Variants in OSBPL3 observed in about 807,000 individuals in gnomAD.
OSBPL3 encodes the protein oxysterol-binding protein-related protein 3.
OSBPL3 carries 65 observed loss-of-function variants against 120.1 expected under a neutral mutation model. The observed-to-expected ratio is 0.54, with a 90% CI of 0.44 to 0.67. The LOEUF is 0.67. Among genes scored for constraint, OSBPL3 ranks in the 30% least tolerant of loss-of-function variants. OSBPL3 has a pLI of 0.00. For synonymous variants in OSBPL3, 416 were observed against 402.6 expected, an observed-to-expected ratio of 1.03 and a Z score of -0.40; for missense variants, 1,004 against 1,082.1, an observed-to-expected ratio of 0.93 and a Z score of 1.01.
rs1438188171 is a variant in OSBPL3, at chr7:24,834,689, A to ACGTTCTTCT, written c.1534_1542dup (p.Arg512_Thr514dup). 1.2e-6 allele frequency: 2 copies of ACGTTCTTCT among 1,613,958 alleles called. No individual in the cohort carries two copies. Among genetic ancestry groups the ACGTTCTTCT allele is most frequent in the Non-Finnish European group, 1.7e-6 (2 of 1,179,932 alleles). ...CTGCTCGGGCAGGGCGCCGGCAGGC[A>ACGTTCTTCT]CGTTCTTCTCCGGGACTTCGCTTCC... On this transcript the variant is annotated inframe_insertion, in exon 15 of 23. Transcript: ENST00000313367. The surrounding 1 kb of genome is among the most constrained non-coding windows in gnomAD (Gnocchi z 5.2).
intron 14 of OSBPL3, among the ~76,000 whole-genome samples, chr7:24,840,409 G>A (rs1003776757): frequency 7.2e-5 from 11 of 152,100 alleles, no homozygotes; most frequent in Non-Finnish European, 1.2e-4. Flanking sequence ...TTAACGAATT[G>A]TAAATATGTT....
intron 1 of OSBPL3, among the ~76,000 whole-genome samples, chr7:24,944,902 A>G (rs1184206270): frequency 6.6e-6 from 1 of 152,196 alleles, no homozygotes; most frequent in African/African-American, 2.4e-5. Context: ...AAAACAGGAA[A>G]CAATAATTCT....
intron 13 of OSBPL3, among the ~76,000 whole-genome samples, chr7:24,841,717 A>AAAGAG (rs1554358558): frequency 1.2e-5 from 1 of 82,792 alleles, no homozygotes; most frequent in African/African-American, 4.8e-5. Context: ...AAAAAAAAAA[A>AAAGAG]AAAAGAGGCC....
rs56241015 is a variant in OSBPL3 at position 24,894,505 on chromosome 7, GAA to G, written c.-149-1886_-149-1885del. Reference sequence around the variant, plus strand: ...GTGTTGGCTGTTGCTGTTTGAGAAAGAAAAAAAAAAAATCAAAAACCTGGTGG... The same window carrying G: ...GTGTTGGCTGTTGCTGTTTGAGAAAGAAAAAAAAAATCAAAAACCTGGTGG... On this transcript the variant is annotated intron_variant, in intron 1 of 22. Transcript: ENST00000313367. This position sits in a 1 kb window ranked among gnomAD's most constrained non-coding sequence, Gnocchi z 4.1. 2.0e-3 allele frequency among the ~76,000 whole-genome samples: 304 copies of G among 150,156 alleles called. 4 individuals are homozygous for G. The highest frequency in any genetic ancestry group is 0.013 in the Admixed American group (202 of 15,108).
At position 24,871,359 on chromosome 7, in the gene OSBPL3, G is replaced by C. The variant is rs1267473376; in HGVS notation, c.267+383C>G. On this transcript the variant is annotated intron_variant, in intron 4 of 22. Transcript: ENST00000313367. This position sits in a 1 kb window ranked among gnomAD's most constrained non-coding sequence, Gnocchi z 4.8. ...GAGCCTTCACACACCAACTGCCTGGGATTAATTTGAAAAGGAACTTCTTCA... is the reference window on the plus strand; with the variant it reads ...GAGCCTTCACACACCAACTGCCTGGCATTAATTTGAAAAGGAACTTCTTCA... Among the ~76,000 whole-genome samples the C allele has an allele frequency of 1.3e-5, 2 of 152,174 alleles. No individual in the cohort carries two copies. Among genetic ancestry groups the C allele is most frequent in the African/African-American group, 4.8e-5 (2 of 41,456 alleles).
rs551520118 is a variant in OSBPL3 at position 24,922,897 on chromosome 7, G to A, written c.-149-30276C>T. ...AAAGCAAGCTTATTACTTTAGGGTC[G>A]ATGCAGCAAACAAACAAAAAAGCAA... On this transcript the variant is annotated intron_variant, in intron 1 of 22. Coordinates refer to ENST00000313367, the MANE Select transcript of OSBPL3 (RefSeq NM_015550.4). This position sits in a 1 kb window ranked among gnomAD's most constrained non-coding sequence, Gnocchi z 4.3. Among the ~76,000 whole-genome samples, 4 of 151,760 alleles carry A rather than the reference G, an allele frequency of 2.6e-5. No individual in the cohort carries two copies. Among genetic ancestry groups the A allele is most frequent in the Admixed American group, 1.3e-4 (2 of 15,196 alleles).
intron 2 of OSBPL3, among the ~76,000 whole-genome samples, chr7:24,887,802 C>T (rs1170849808): frequency 1.3e-5 from 2 of 152,204 alleles, no homozygotes; most frequent in Admixed American, 6.5e-5. Context: ...CAAAGTCCTT[C>T]TTAACACAAT....
rs1212957400 is a variant in OSBPL3 at position 24,940,933 on chromosome 7, C to A, written c.-150+38953G>T. ...CTCCCGGGTTCAAGCCATTCTCCTG[C>A]CCCAGCCTCCCAAGTAGCTGGGACT... On this transcript the variant is annotated intron_variant, in intron 1 of 22. Transcript: ENST00000313367. This position sits in a 1 kb window ranked among gnomAD's most constrained non-coding sequence, Gnocchi z 4.4. Among the ~76,000 whole-genome samples, 2 of 151,752 alleles carry A rather than the reference C, an allele frequency of 1.3e-5. No homozygotes were observed. Among genetic ancestry groups the A allele is most frequent in the Admixed American group, 6.6e-5 (1 of 15,230 alleles).
chr7:24,916,326 C>A lies in OSBPL3; in HGVS notation c.-149-23705G>T, dbSNP rs892711555. Among the ~76,000 whole-genome samples the A allele has an allele frequency of 6.6e-6, 1 of 152,154 alleles. No homozygotes were observed. The highest frequency in any genetic ancestry group is 1.5e-5 in the Non-Finnish European group (1 of 68,028). ...TCATTTATCTACCCATCCTTCTGTTCCTCTCTCACAGTATGTACAGAGGCA... is the reference window on the plus strand; with the variant it reads ...TCATTTATCTACCCATCCTTCTGTTACTCTCTCACAGTATGTACAGAGGCA... On this transcript the variant is annotated intron_variant, in intron 1 of 22. Coordinates refer to ENST00000313367, the MANE Select transcript of OSBPL3 (RefSeq NM_015550.4). This position sits in a 1 kb window ranked among gnomAD's most constrained non-coding sequence, Gnocchi z 4.9.
chr7:24,884,483 G>A (rs1313530636), intron 2 of OSBPL3, among the ~76,000 whole-genome samples: 2 of 152,144 alleles, frequency 1.3e-5, no homozygotes, highest in African/African-American at 4.8e-5. Flanking sequence ...CACTTCGAGT[G>A]TCCCATGCTG....
rs188580631 is a variant in OSBPL3 at position 24,979,349 on chromosome 7, A to G, written c.-150+537T>C. Among the ~76,000 whole-genome samples, 27 of 152,156 alleles carry G rather than the reference A, an allele frequency of 1.8e-4. No individual in the cohort carries two copies. The East Asian group carries it at 3.5e-3, about 20-fold the overall frequency. On this transcript the variant is annotated intron_variant, in intron 1 of 22. Transcript: ENST00000313367. ...GATGAATATGTAAATTCAGACAAGA[A>G]AGGAATGTGCCCTGGGCCTCCAGCC... is the stretch of plus-strand genomic sequence containing the variant.
At chr7:24,905,239 C>T (rs1807724921) in intron 1 of OSBPL3, among the ~76,000 whole-genome samples, 2 of 151,898 alleles carry the variant, frequency 1.3e-5, no homozygotes, top group South Asian at 2.1e-4. Context: ...TTCAAGGAGA[C>T]GTACTAACGG....
chr7:24,955,652 T>A lies in OSBPL3; in HGVS notation c.-150+24234A>T, dbSNP rs942414678. On this transcript the variant is annotated intron_variant, in intron 1 of 22. Coordinates refer to ENST00000313367, the MANE Select transcript of OSBPL3 (RefSeq NM_015550.4). The surrounding 1 kb of genome is among the most constrained non-coding windows in gnomAD (Gnocchi z 4.3). ...ATCAAACAGCAGCACCCCTGTCCCC[T>A]ATACACTCTAACCTACTTATCCCTG... is the stretch of plus-strand genomic sequence containing the variant. 2.0e-5 allele frequency among the ~76,000 whole-genome samples: 3 copies of A among 152,238 alleles called. No individual in the cohort carries two copies. The highest frequency in any genetic ancestry group is 4.8e-5 in the African/African-American group (2 of 41,460).
At chr7:24,950,369 A>G (rs895289857) in intron 1 of OSBPL3, among the ~76,000 whole-genome samples, 5 of 152,246 alleles carry the variant, frequency 3.3e-5, no homozygotes, top group Admixed American at 3.3e-4. Context: ...AGAAATATAG[A>G]AAGAGTTAAA....
rs1345381584 is a variant in OSBPL3, at chr7:24,854,541, C to T, written c.1028-1907G>A. Reference sequence around the variant, plus strand: ...ACACACACACACACACACACACAAACACACACAATGGTGCTGCCTCTGCCA... The same window carrying T: ...ACACACACACACACACACACACAAATACACACAATGGTGCTGCCTCTGCCA... On this transcript the variant is annotated intron_variant, in intron 10 of 22. Transcript: ENST00000313367. This position sits in a 1 kb window ranked among gnomAD's most constrained non-coding sequence, Gnocchi z 4.1. 6.7e-6 allele frequency among the ~76,000 whole-genome samples: 1 copy of T among 149,450 alleles called. No homozygotes were observed. Among genetic ancestry groups the T allele is most frequent in the Non-Finnish European group, 1.5e-5 (1 of 67,116 alleles).
Position 24,819,433 on chromosome 7 carries a change from TG to T in OSBPL3, c.1948+741del, listed in dbSNP as rs1235381242. On this transcript the variant is annotated intron_variant, in intron 17 of 22. Transcript: ENST00000313367. The surrounding 1 kb of genome is among the most constrained non-coding windows in gnomAD (Gnocchi z 4.1). ...GGTGAAGAAAGAAAACCATGGTACT[TG>T]TCACTTTAAACTGGAAATACTGATT... 1.3e-5 allele frequency among the ~76,000 whole-genome samples: 2 copies of T among 152,124 alleles called. No individual in the cohort carries two copies. Among genetic ancestry groups the T allele is most frequent in the African/African-American group, 4.8e-5 (2 of 41,426 alleles).
rs151128298 is a variant in OSBPL3, at chr7:24,962,495, C to T, written c.-150+17391G>A. Among the ~76,000 whole-genome samples the T allele has an allele frequency of 4.0e-3, 506 of 126,422 alleles. 1 individual carries two copies. Among genetic ancestry groups the T allele is most frequent in the African/African-American group, 0.014 (439 of 32,362 alleles). 82.9% of individuals were successfully genotyped at this position (126,422 alleles called of 152,430 possible). A position where few individuals can be genotyped will look rare whatever the true frequency, so the allele number is the denominator to read the frequency against. ...GGAGAGAGGAGGAGAGCAGAGGAGA[C>T]GCTTGGCCCATGCCTGGCCAGTAAC... On this transcript the variant is annotated intron_variant, in intron 1 of 22. Transcript: ENST00000313367.
chr7:24,849,073 G>A lies in OSBPL3; in HGVS notation c.1262C>T (p.Ala421Val). 1 of 1,611,664 alleles carries A rather than the reference G, an allele frequency of 6.2e-7. No homozygotes were observed. The highest frequency in any genetic ancestry group is 8.5e-7 in the Non-Finnish European group (1 of 1,177,948). The change falls in exon 12 of 23, where the codon GCA becomes GTA. Residue 421 changes from alanine to valine, a missense_variant. Physicochemically the swap from Ala to Val is moderately conservative, Grantham distance 64 (BLOSUM62 0). Around this residue, in one of 4 missense-constraint regions of OSBPL3, gnomAD observed 272 missense variants for 248.8 expected, o/e 1.09. Transcript: ENST00000313367. The surrounding 1 kb of genome is among the most constrained non-coding windows in gnomAD (Gnocchi z 5.4). The part of the protein sequence containing the change: ...PAVAKSGDNL[A>V]EENSRDENRA... ...CCAGACGAGAAACCTACCCACCTCT[G>A]CCAGATTGTCACCCGACTTGGCGAC...
chr7:24,801,582 G>A (rs373119058), intron 22 of OSBPL3, among the ~76,000 whole-genome samples: 3 of 152,154 alleles, frequency 2.0e-5, no homozygotes, highest in Non-Finnish European at 1.5e-5. Context: ...GATCATTTCC[G>A]ATTAGTACAA....
Sources: allele counts gnomAD v4.1 joint callset (sites outside exome capture counted in the v4.1 genomes callset), GRCh38; gene constraint gnomAD v4.1.1; regional missense constraint gnomAD v4.1.1; non-coding constraint Gnocchi (gnomAD v3.1); transcripts MANE v1.5; gene names NCBI Gene and HGNC (gene_info 2026-07-23, HGNC 2026-07-21).